S100Z: variants seen among roughly 807,000 people sequenced by gnomAD.
S100Z encodes protein S100-Z.
A neutral mutation model predicts 8.5 loss-of-function variants in S100Z; 11 were observed. The observed-to-expected ratio is 1.30, with a 90% CI of 0.82 to 2.15. The LOEUF is 2.15. Ranked by LOEUF, S100Z falls within the 30% of genes most tolerant of loss-of-function variation. The pLI, the probability that S100Z is intolerant of heterozygous loss-of-function variation, is 0.00. For missense variants in S100Z, 126 were observed against 117.9 expected (o/e 1.07, Z -0.32); for synonymous variants, 34 against 43.8 (o/e 0.78, Z 0.89).
chr5:76,890,923 C>T (rs1040782757), intron 4 of S100Z, among the ~76,000 whole-genome samples: 3 of 152,188 alleles, frequency 2.0e-5, no homozygotes, highest in African/African-American at 7.2e-5. Context: ...AGTGCAATGG[C>T]ACAGTCTCGG....
At chr5:76,871,817 G>C (rs752049166) in intron 2 of S100Z, among the ~76,000 whole-genome samples, 2 of 152,118 alleles carry the variant, frequency 1.3e-5, no homozygotes, top group African/African-American at 4.8e-5. Flanking sequence ...GTGAGCCACC[G>C]GGCCCTGCCC....
the S100Z span, among the ~76,000 whole-genome samples, chr5:76,927,990 C>T: frequency 1.3e-5 from 2 of 152,184 alleles, no homozygotes; most frequent in African/African-American, 4.8e-5. Context: ...AGACTCTGCT[C>T]TGAGGACGTG....
At chr5:76,863,821 A>G (rs1751165032) in intron 1 of S100Z, among the ~76,000 whole-genome samples, 1 of 152,230 alleles carries the variant, frequency 6.6e-6, no homozygotes, top group South Asian at 2.1e-4. Flanking sequence ...TACAGGTGTG[A>G]GCCACTGCGC....
At chr5:76,894,520 C>T (rs1162425976) in intron 4 of S100Z, among the ~76,000 whole-genome samples, 2 of 151,950 alleles carry the variant, frequency 1.3e-5, no homozygotes, top group Admixed American at 6.6e-5. Flanking sequence ...TATACGTACG[C>T]ATGGAAGAAA....
At chr5:76,943,951 T>G in the S100Z span, among the ~76,000 whole-genome samples, 1 of 152,196 alleles carries the variant, frequency 6.6e-6, no homozygotes, top group Non-Finnish European at 1.5e-5. Context: ...CACGGATTTT[T>G]GCATTAATTT....
the S100Z span, among the ~76,000 whole-genome samples, chr5:76,951,319 GTGTGCACA>G: frequency 3.3e-5 from 5 of 152,354 alleles, no homozygotes; most frequent in African/African-American, 4.8e-5. Flanking sequence ...GTGCATGTGT[GTGTGCACA>G]TGTGCACATG....
intron 4 of S100Z, among the ~76,000 whole-genome samples, chr5:76,898,155 CT>C (rs35746616): frequency 3.4e-5 from 5 of 146,772 alleles, no homozygotes; most frequent in Admixed American, 6.8e-5. Flanking sequence ...GAGTTATATT[CT>C]TTTTTTTTTT....
At chr5:76,922,963 C>A (rs556524963), downstream of S100Z, among the ~76,000 whole-genome samples, 1 of 151,274 alleles carries the variant, frequency 6.6e-6, no homozygotes, top group Admixed American at 6.6e-5. Flanking sequence ...TTTTAGCAAG[C>A]CTTCAGAAGA....
intron 2 of S100Z, among the ~76,000 whole-genome samples, chr5:76,874,966 A>C (rs555422756): frequency 6.6e-6 from 1 of 151,374 alleles, no homozygotes; most frequent in South Asian, 2.1e-4. Context: ...CTCACTGCAA[A>C]CTCCGCCTCC....
Position 76,862,845 on chromosome 5 carries a change from A to G in S100Z, c.-175-7321A>G, listed in dbSNP as rs78562330. Among the ~76,000 whole-genome samples the G allele has an allele frequency of 3.0e-4, 46 of 152,244 alleles. No individual in the cohort carries two copies. The East Asian group carries it at 7.7e-3, about 26-fold the overall frequency. On this transcript the variant is annotated intron_variant, in intron 1 of 4. Coordinates refer to ENST00000317593, the MANE Select transcript of S100Z (RefSeq NM_130772.4). The stretch of plus-strand genomic sequence containing the variant: ...AACAAAAACCCTGAGGAGCATTGCA[A>G]TAAAGGGGCTCTTGAGCTGCTTGCT...
chr5:76,937,962 G>A, the S100Z span, among the ~76,000 whole-genome samples: 1 of 151,916 alleles, frequency 6.6e-6, no homozygotes, highest in Non-Finnish European at 1.5e-5. Flanking sequence ...AGTCATGCAC[G>A]GCGGTGCATG....
At chr5:76,870,454 C>T (rs147639629) in intron 2 of S100Z, among the ~76,000 whole-genome samples, 170 bp downstream of exon 2, 3 of 152,260 alleles carry the variant, frequency 2.0e-5, no homozygotes, top group South Asian at 4.2e-4. Flanking sequence ...GTAGTGAACC[C>T]CCAAGGCCTG....
chr5:76,915,821 A>C (rs1208221444), intron 4 of S100Z, among the ~76,000 whole-genome samples: 1 of 152,192 alleles, frequency 6.6e-6, no homozygotes, highest in East Asian at 1.9e-4. Context: ...GTATGTTGAA[A>C]GTAAAAGGAC....
At chr5:76,919,865 C>T (rs1295476342) in intron 4 of S100Z, among the ~76,000 whole-genome samples, 1 of 151,282 alleles carries the variant, frequency 6.6e-6, no homozygotes, top group Admixed American at 6.6e-5. Context: ...CAGCTTCCCA[C>T]AGTGCTGGGA....
At chr5:76,928,768 T>G in the S100Z span, among the ~76,000 whole-genome samples, 1 of 152,208 alleles carries the variant, frequency 6.6e-6, no homozygotes, top group Non-Finnish European at 1.5e-5. Flanking sequence ...AGAGATTGGG[T>G]CTCACTCTGT....
downstream of S100Z, among the ~76,000 whole-genome samples, chr5:76,922,419 AC>A (rs1745064018): frequency 6.6e-6 from 1 of 152,114 alleles, no homozygotes; most frequent in Non-Finnish European, 1.5e-5. Context: ...AAATAAGATG[AC>A]CTTTGTTCCT....
chr5:76,903,345 GT>G (rs572516749), intron 4 of S100Z, among the ~76,000 whole-genome samples: 4 of 151,648 alleles, frequency 2.6e-5, no homozygotes, highest in Non-Finnish European at 5.9e-5. Context: ...TTTGAGTCTG[GT>G]TTTTTTTCAC....
intron 4 of S100Z, among the ~76,000 whole-genome samples, chr5:76,911,143 C>A (rs1308525226): frequency 6.6e-6 from 1 of 152,134 alleles, no homozygotes; most frequent in African/African-American, 2.4e-5. Flanking sequence ...TAAAAGATCC[C>A]ACCACTTTTC....
intron 1 of S100Z, among the ~76,000 whole-genome samples, chr5:76,864,447 G>C (rs1751194842): frequency 7.5e-6 from 1 of 133,802 alleles, no homozygotes; most frequent in Non-Finnish European, 1.5e-5. Flanking sequence ...GGTCACCCAG[G>C]CTGGAGTGCA....
Sources: gnomAD v4.1 joint callset for allele counts (sites outside exome capture counted in the v4.1 genomes callset) on GRCh38, gnomAD v4.1.1 for gene constraint, MANE v1.5 for transcripts, NCBI Gene and HGNC (gene_info 2026-07-23, HGNC 2026-07-21) for gene names.